Variants in TAFA2 observed in about 807,000 individuals in gnomAD.
The protein encoded by TAFA2 is TAFA chemokine like family member 2.
Under a neutral mutation model 18.8 loss-of-function variants are expected in TAFA2, and 7 were observed. The ratio of observed to expected loss-of-function variants is 0.37; its 90% confidence interval spans 0.21 to 0.70. The LOEUF is 0.70. TAFA2 is among the 30% of genes least tolerant of loss of function. TAFA2 has a pLI of 0.53. For synonymous variants in TAFA2, 60 were observed against 54.2 expected (o/e 1.11, Z -0.47); for missense variants, 122 against 158.1 (o/e 0.77, Z 1.23).
chr12:62,251,767 C>T (rs940026807), intron 1 of TAFA2, among the ~76,000 whole-genome samples: 1 of 152,172 alleles, frequency 6.6e-6, no homozygotes, highest in Non-Finnish European at 1.5e-5. Flanking sequence ...TTAGTTATTG[C>T]ACACTGGCTG....
intron 2 of TAFA2, among the ~76,000 whole-genome samples, chr12:61,856,184 A>G (rs960753104): frequency 6.6e-6 from 1 of 152,032 alleles, no homozygotes; most frequent in African/African-American, 2.4e-5. Context: ...GCTAGTAAAG[A>G]GATAAACCTG....
chr12:62,209,643 C>A lies in TAFA2; in HGVS notation c.-130+49120G>T, dbSNP rs141542472. 7.2e-4 allele frequency among the ~76,000 whole-genome samples: 110 copies of A among 152,244 alleles called. 1 individual carries two copies. The highest frequency in any genetic ancestry group is 2.5e-3 in the African/African-American group (105 of 41,542). ...GCTAGCTAAATAGATATTAGCAATACCTAATTATGTTCATCCTCAGGGCTA... is the reference window on the plus strand; with the variant it reads ...GCTAGCTAAATAGATATTAGCAATAACTAATTATGTTCATCCTCAGGGCTA... On this transcript the variant is annotated intron_variant, in intron 1 of 5. Transcript: ENST00000551619.
chr12:61,744,364 C>T (rs1868596122), intron 4 of TAFA2, among the ~76,000 whole-genome samples: 1 of 152,094 alleles, frequency 6.6e-6, no homozygotes, highest in African/African-American at 2.4e-5. Flanking sequence ...AACTTAAAAG[C>T]ACACATATAT....
chr12:61,870,183 C>G (rs565779718), intron 1 of TAFA2, among the ~76,000 whole-genome samples: 1 of 152,180 alleles, frequency 6.6e-6, no homozygotes, highest in African/African-American at 2.4e-5. Flanking sequence ...TTCGTAACAT[C>G]GTCACTCCTG....
chr12:62,151,266 GC>G (rs2062326791), intron 1 of TAFA2, among the ~76,000 whole-genome samples: 1 of 149,098 alleles, frequency 6.7e-6, no homozygotes, highest in East Asian at 1.9e-4. Flanking sequence ...CTCCTGATGT[GC>G]CTCTAAGAAG....
At chr12:62,020,437 G>T (rs1881091330) in intron 1 of TAFA2, among the ~76,000 whole-genome samples, 1 of 152,118 alleles carries the variant, frequency 6.6e-6, no homozygotes, top group African/African-American at 2.4e-5. Flanking sequence ...AACTTAAAAA[G>T]AATGAAAGAA....
At chr12:61,764,513 T>C (rs570811483) in intron 2 of TAFA2, among the ~76,000 whole-genome samples, 12 of 152,072 alleles carry the variant, frequency 7.9e-5, no homozygotes, top group Non-Finnish European at 1.6e-4. Context: ...TGTAGTTGTT[T>C]GTCCCTGAAG....
At chr12:62,199,605 T>C (rs2062662955) in intron 1 of TAFA2, among the ~76,000 whole-genome samples, 1 of 152,014 alleles carries the variant, frequency 6.6e-6, no homozygotes, top group Admixed American at 6.6e-5. Flanking sequence ...TATATATATA[T>C]ATATGTATGT....
chr12:62,035,682 G>T (rs991534545), intron 1 of TAFA2, among the ~76,000 whole-genome samples: 3 of 150,866 alleles, frequency 2.0e-5, no homozygotes, highest in African/African-American at 7.3e-5. Flanking sequence ...ACCCTCTAGG[G>T]CAAGGTTTCC....
intron 2 of TAFA2, among the ~76,000 whole-genome samples, chr12:61,843,183 GAA>G (rs1209298934): frequency 1.3e-4 from 20 of 152,060 alleles, no homozygotes; most frequent in Non-Finnish European, 2.2e-4. Flanking sequence ...GGGCAATCAT[GAA>G]AAGTTATTTC....
intron 1 of TAFA2, among the ~76,000 whole-genome samples, chr12:61,922,722 G>A (rs1449672476): frequency 6.6e-6 from 1 of 152,116 alleles, no homozygotes; most frequent in Non-Finnish European, 1.5e-5. Context: ...TTACCCCAGT[G>A]GCACCTGGAA....
chr12:61,986,158 CTTTT>C (rs551223452), intron 1 of TAFA2, among the ~76,000 whole-genome samples: 4 of 65,862 alleles, frequency 6.1e-5, no homozygotes, highest in South Asian at 6.3e-4. Context: ...CTAAGCTCTT[CTTTT>C]TTTTTTTTTT....
chr12:62,094,041 T>G (rs376543898), intron 1 of TAFA2, among the ~76,000 whole-genome samples: 1 of 149,454 alleles, frequency 6.7e-6, no homozygotes, highest in African/African-American at 2.4e-5. Flanking sequence ...TCACTTTGGT[T>G]TTAAATTCAG....
chr12:62,168,790 T>A (rs1251380483), intron 1 of TAFA2, among the ~76,000 whole-genome samples: 1 of 152,070 alleles, frequency 6.6e-6, no homozygotes, highest in South Asian at 2.1e-4. Context: ...TGAGTTATGA[T>A]TGCACCACTG....
At chr12:61,753,507 C>T in intron 4 of TAFA2, 115 bp downstream of exon 4, 2 of 931,304 alleles carry the variant, frequency 2.1e-6, no homozygotes, top group Non-Finnish European at 3.1e-6. Context: ...GAAAACATAT[C>T]TTGCAAAACT....
intron 1 of TAFA2, among the ~76,000 whole-genome samples, chr12:61,983,726 G>C (rs764998795): frequency 1.3e-5 from 2 of 152,116 alleles, no homozygotes; most frequent in East Asian, 3.9e-4. Flanking sequence ...AGCACTTTAA[G>C]AATCAGAGAA....
chr12:61,905,896 C>A (rs1425542356), intron 1 of TAFA2, among the ~76,000 whole-genome samples: 4 of 152,126 alleles, frequency 2.6e-5, no homozygotes, highest in Non-Finnish European at 5.9e-5. Context: ...GGCCCCAGAG[C>A]TCTCTGCTTT....
chr12:62,251,218 A>C (rs1212472982), intron 1 of TAFA2, among the ~76,000 whole-genome samples: 2 of 152,158 alleles, frequency 1.3e-5, no homozygotes, highest in Non-Finnish European at 2.9e-5. Flanking sequence ...CATTTGGTAA[A>C]ATTGTCACCT....
Position 62,239,267 on chromosome 12 carries a change from C to T in TAFA2, c.-130+19496G>A, listed in dbSNP as rs562613839. ...ACCACAATAAATCTCATACCACAAG[C>T]CCACCTCTTAAGTGCTGTTCATTCT... On this transcript the variant is annotated intron_variant, in intron 1 of 5. Coordinates refer to the TAFA2 transcript ENST00000551619. Among the ~76,000 whole-genome samples, 134 of 152,294 alleles carry T rather than the reference C, an allele frequency of 8.8e-4. 2 individuals are homozygous for T. Among genetic ancestry groups the T allele is most frequent in the African/African-American group, 3.0e-3 (125 of 41,548 alleles).
Sources: allele counts gnomAD v4.1 joint callset (sites outside exome capture counted in the v4.1 genomes callset), GRCh38; gene constraint gnomAD v4.1.1; transcripts MANE v1.5; gene names NCBI Gene and HGNC (gene_info 2026-07-23, HGNC 2026-07-21).